UNC13B: variants seen among roughly 807,000 people sequenced by gnomAD.
UNC13B encodes the protein unc-13 homolog B.
Under a neutral mutation model 211.0 loss-of-function variants are expected in UNC13B, and 144 were observed. The observed-to-expected ratio is 0.68, with a 90% CI of 0.60 to 0.78. The LOEUF (loss-of-function observed/expected upper bound fraction) is 0.78. Ranked by LOEUF, UNC13B falls within the 30% of genes least tolerant of loss-of-function variation. The probability of loss-of-function intolerance (pLI) is 0.00; values close to 1 mark genes in which losing one functional copy is unlikely to be tolerated. For synonymous variants in UNC13B, 709 were observed against 725.8 expected, an observed-to-expected ratio of 0.98 and a Z score of 0.37; for missense variants, 1,777 against 2,002.0, an observed-to-expected ratio of 0.89 and a Z score of 2.14.
chr9:35,326,286 T>C (rs528046310), intron 11 of UNC13B, among the ~76,000 whole-genome samples: 1 of 152,332 alleles, frequency 6.6e-6, no homozygotes, highest in South Asian at 2.1e-4. Flanking sequence ...TTTAGTAGTC[T>C]CCTCTTAAAC....
intron 6 of UNC13B, among the ~76,000 whole-genome samples, chr9:35,245,813 G>T (rs558981049): frequency 6.6e-6 from 1 of 152,042 alleles, no homozygotes; most frequent in South Asian, 2.1e-4. Flanking sequence ...ATAAACATAC[G>T]CATGCATGTG....
At chr9:35,171,542 C>T (rs1587283480) in intron 1 of UNC13B, among the ~76,000 whole-genome samples, 2 of 152,180 alleles carry the variant, frequency 1.3e-5, no homozygotes, top group African/African-American at 4.8e-5. Context: ...GTTGGGACTA[C>T]AAGCATGTGC....
intron 11 of UNC13B, among the ~76,000 whole-genome samples, chr9:35,314,603 TTGCA>T (rs1564130616): frequency 6.6e-6 from 1 of 152,136 alleles, no homozygotes; most frequent in Non-Finnish European, 1.5e-5. Flanking sequence ...CATGGATATG[TTGCA>T]TAGTGGTGAA....
chr9:35,349,812 G>T (rs1037731506), intron 11 of UNC13B, among the ~76,000 whole-genome samples: 1 of 152,190 alleles, frequency 6.6e-6, no homozygotes, highest in Non-Finnish European at 1.5e-5. Context: ...GAAGCACAAT[G>T]CTTTTAAATT....
intron 1 of UNC13B, among the ~76,000 whole-genome samples, chr9:35,189,168 T>TA (rs1378621579): frequency 6.6e-6 from 1 of 152,240 alleles, no homozygotes; most frequent in African/African-American, 2.4e-5. Flanking sequence ...AATCTTTTAC[T>TA]AAAAAACGCA....
rs370250716 is a variant in UNC13B, at chr9:35,202,893, C to T, written c.23-25122C>T. Among the ~76,000 whole-genome samples the T allele has an allele frequency of 2.8e-3, 427 of 151,710 alleles. 4 individuals are homozygous for T. The highest frequency in any genetic ancestry group is 0.019 in the South Asian group (90 of 4,802). On this transcript the variant is annotated intron_variant, in intron 1 of 39. Transcript: ENST00000635942. ...CTGCAAGCTCTGCCTCCCAGGTTCA[C>T]GCCATTCTCCTGCCTCAGCCTCCTG...
At chr9:35,169,215 C>T (rs567452534) in intron 1 of UNC13B, among the ~76,000 whole-genome samples, 19 of 152,046 alleles carry the variant, frequency 1.2e-4, no homozygotes, top group African/African-American at 4.1e-4. Context: ...ATTAGCTGTG[C>T]GTGTTGACGC....
intron 7 of UNC13B, among the ~76,000 whole-genome samples, chr9:35,276,122 A>G (rs534758930): frequency 7.2e-5 from 11 of 152,100 alleles, no homozygotes; most frequent in African/African-American, 2.7e-4. Flanking sequence ...CCTGAGCAAC[A>G]TGATGAAACC....
rs572436199 is a variant in UNC13B, at chr9:35,267,573, G to T, written c.526+8523G>T. On this transcript the variant is annotated intron_variant, in intron 7 of 39. Coordinates refer to ENST00000635942, the MANE Select transcript of UNC13B (RefSeq NM_001371189.2). ...GGCAAGACTTAGGTTGAGACTGAAGGATGAATATGTCTTCTAAGAGTGATA... is the reference window on the plus strand; with the variant it reads ...GGCAAGACTTAGGTTGAGACTGAAGTATGAATATGTCTTCTAAGAGTGATA... Among the ~76,000 whole-genome samples the T allele has an allele frequency of 1.6e-4, 25 of 152,326 alleles. No individual in the cohort carries two copies. In the South Asian group the frequency reaches 5.2e-3, roughly 32 times the overall value.
At chr9:35,345,462 A>C (rs1361797111) in intron 11 of UNC13B, among the ~76,000 whole-genome samples, 1 of 152,154 alleles carries the variant, frequency 6.6e-6, no homozygotes, top group Non-Finnish European at 1.5e-5. Context: ...AGGGGATAAG[A>C]AATTTGGTCA....
chr9:35,166,644 A>G (rs1821051731), intron 1 of UNC13B, among the ~76,000 whole-genome samples: 1 of 152,056 alleles, frequency 6.6e-6, no homozygotes, highest in Admixed American at 6.6e-5. Flanking sequence ...ACACCCAACT[A>G]TTGTTAACTT....
At chr9:35,329,524 G>C (rs577131372) in intron 11 of UNC13B, among the ~76,000 whole-genome samples, 3 of 150,390 alleles carry the variant, frequency 2.0e-5, no homozygotes, top group African/African-American at 7.3e-5. Context: ...GTCTCACTCT[G>C]TTGCCCAGGC....
intron 7 of UNC13B, among the ~76,000 whole-genome samples, chr9:35,289,004 G>T (rs1331409959): frequency 2.7e-5 from 4 of 149,196 alleles, no homozygotes; most frequent in South Asian, 2.1e-4. Context: ...CTACAGGAGG[G>T]TTTTTTTTTT....
chr9:35,227,101 T>C (rs535093944), intron 1 of UNC13B, among the ~76,000 whole-genome samples: 1 of 152,330 alleles, frequency 6.6e-6, no homozygotes, highest in South Asian at 2.1e-4. Flanking sequence ...TGAACTGAAA[T>C]GGGACTACAA....
intron 7 of UNC13B, among the ~76,000 whole-genome samples, chr9:35,270,155 A>G (rs1291395085): frequency 1.3e-5 from 2 of 152,126 alleles, no homozygotes; most frequent in Non-Finnish European, 2.9e-5. Context: ...GGGGAATGGT[A>G]TTTAAAAATC....
intron 2 of UNC13B, among the ~76,000 whole-genome samples, chr9:35,230,270 G>A (rs1825120625): frequency 6.6e-6 from 1 of 151,908 alleles, no homozygotes; most frequent in Non-Finnish European, 1.5e-5. Context: ...TCAGGCATTT[G>A]AGACCGCCTG....
intron 3 of UNC13B, 121 bp from the exon 4 acceptor site, chr9:35,236,348 T>C (rs1379186411): frequency 3.7e-6 from 3 of 801,764 alleles, no homozygotes; most frequent in Non-Finnish European, 5.9e-6. Flanking sequence ...CTGGGAAATT[T>C]TGATTTTTCC....
At chr9:35,284,431 CTT>C (rs770021680) in intron 7 of UNC13B, among the ~76,000 whole-genome samples, 1 of 152,114 alleles carries the variant, frequency 6.6e-6, no homozygotes, top group Admixed American at 6.5e-5. Flanking sequence ...TTTTCTTTGA[CTT>C]ATTAATATAA....
intron 26 of UNC13B, among the ~76,000 whole-genome samples, chr9:35,393,519 G>A (rs1342814321): frequency 6.6e-6 from 1 of 151,886 alleles, no homozygotes; most frequent in African/African-American, 2.4e-5. Context: ...GAGGTGTGAC[G>A]GAGTCAGATC....
Sources: gnomAD v4.1 joint callset for allele counts (sites outside exome capture counted in the v4.1 genomes callset) on GRCh38, gnomAD v4.1.1 for gene constraint, MANE v1.5 for transcripts, NCBI Gene and HGNC (gene_info 2026-07-23, HGNC 2026-07-21) for gene names.